Variants in MCCC2 observed in about 807,000 individuals in gnomAD.
The protein encoded by MCCC2 is methylcrotonyl-CoA carboxylase subunit 2, also known as methylcrotonoyl-CoA carboxylase beta chain, mitochondrial.
MCCC2 carries 52 observed loss-of-function variants against 77.2 expected under a neutral mutation model. The ratio of observed to expected loss-of-function variants is 0.67; its 90% CI spans 0.54 to 0.85. The LOEUF (loss-of-function observed/expected upper bound fraction) is 0.85. Among genes scored for constraint, MCCC2 ranks in the 40% least tolerant of loss-of-function variants. The probability of loss-of-function intolerance (pLI) is 0.00; values close to 1 mark genes in which losing one functional copy is unlikely to be tolerated. For synonymous variants in MCCC2, 253 were observed against 248.4 expected (o/e 1.02, Z -0.18); for missense variants, 682 against 703.2 (o/e 0.97, Z 0.34).
chr5:71,657,247 TTTAG>T lies in MCCC2; in HGVS notation c.*388_*391del. 1 of 236,362 alleles carries T rather than the reference TTTAG, an allele frequency of 4.2e-6. No homozygotes were observed. Among genetic ancestry groups the T allele is most frequent in the South Asian group, 5.4e-5 (1 of 18,468 alleles). 14.6% of individuals were successfully genotyped at this position (236,362 alleles called of 1,614,324 possible). A position where few individuals can be genotyped will look rare whatever the true frequency, so the allele number is the denominator to read the frequency against. ...TTTTGCTGGTTATGCTTGGTGATAT[TTTAG>T]CGGGCTTATTTTTGAAAGGCATCTG... On this transcript the variant is annotated 3_prime_UTR_variant, in exon 17 of 17. Transcript: ENST00000340941.
chr5:71,610,913 G>A (rs945939085), intron 6 of MCCC2, among the ~76,000 whole-genome samples: 1 of 152,200 alleles, frequency 6.6e-6, no homozygotes, highest in African/African-American at 2.4e-5. Context: ...TTGAACCTGG[G>A]AGGCAGAGGT....
chr5:71,612,751 T>C (rs1010677576), intron 6 of MCCC2, among the ~76,000 whole-genome samples: 1 of 152,214 alleles, frequency 6.6e-6, no homozygotes, highest in African/African-American at 2.4e-5. Flanking sequence ...AACAGCAATT[T>C]ATGTATTTAT....
At chr5:71,647,480 C>T (rs749673058) in intron 13 of MCCC2, among the ~76,000 whole-genome samples, 1 of 152,110 alleles carries the variant, frequency 6.6e-6, no homozygotes, top group Non-Finnish European at 1.5e-5. Flanking sequence ...ATAATGATTC[C>T]TGGATTGTTA....
chr5:71,590,496 T>C (rs1744930496), intron 1 of MCCC2, among the ~76,000 whole-genome samples: 1 of 152,212 alleles, frequency 6.6e-6, no homozygotes, highest in Admixed American at 6.5e-5. Flanking sequence ...TGCCATTGAT[T>C]TCTAGTTTCA....
chr5:71,610,756 G>A (rs561292597), intron 6 of MCCC2, among the ~76,000 whole-genome samples: 121 of 152,314 alleles, frequency 7.9e-4, no homozygotes, highest in Middle Eastern at 3.4e-3. Context: ...GGAGGCCGAG[G>A]TGGGGGGATC....
At chr5:71,612,712 A>G (rs1409645057) in intron 6 of MCCC2, among the ~76,000 whole-genome samples, 1 of 152,238 alleles carries the variant, frequency 6.6e-6, no homozygotes, top group African/African-American at 2.4e-5. Flanking sequence ...CTGTTGTAAC[A>G]AATTATCACA....
intron 10 of MCCC2, chr5:71,635,543 A>G: frequency 2.4e-6 from 1 of 412,478 alleles, no homozygotes; most frequent in Non-Finnish European, 4.6e-6. Context: ...TGAATGATGT[A>G]AGGCAACTTA....
chr5:71,626,616 G>A, intron 6 of MCCC2, 24 bp from the exon 7 acceptor site: 3 of 1,583,768 alleles, frequency 1.9e-6, no homozygotes, highest in Non-Finnish European at 1.7e-6. Flanking sequence ...CATCTCATGT[G>A]TTTGTCGTGT....
chr5:71,656,198 T>C (rs1469415406), intron 16 of MCCC2, among the ~76,000 whole-genome samples: 1 of 152,162 alleles, frequency 6.6e-6, no homozygotes, highest in African/African-American at 2.4e-5. Context: ...CCAGCCTGGG[T>C]GACAGAGCGA....
intron 4 of MCCC2, among the ~76,000 whole-genome samples, chr5:71,601,741 G>T (rs1218717939): frequency 1.3e-5 from 2 of 152,152 alleles, no homozygotes; most frequent in African/African-American, 4.8e-5. Context: ...ATTGAATTTT[G>T]TAAAGAGCAC....
intron 10 of MCCC2, among the ~76,000 whole-genome samples, chr5:71,637,732 T>C (rs1746978298): frequency 1.3e-5 from 2 of 152,250 alleles, no homozygotes; most frequent in South Asian, 2.1e-4. Flanking sequence ...AACTTTGTTT[T>C]TTTTCAGACT....
chr5:71,629,366 T>A (rs1746637293), intron 7 of MCCC2, among the ~76,000 whole-genome samples: 1 of 152,174 alleles, frequency 6.6e-6, no homozygotes, highest in Non-Finnish European at 1.5e-5. Flanking sequence ...GGATGGGGTT[T>A]CTTCTGGGAG....
chr5:71,612,815 C>T (rs990610658), intron 6 of MCCC2, among the ~76,000 whole-genome samples: 9 of 152,228 alleles, frequency 5.9e-5, no homozygotes, highest in African/African-American at 2.2e-4. Flanking sequence ...CTCCTGGCCT[C>T]AGATCATCCT....
At chr5:71,637,536 G>A (rs1037148970) in intron 10 of MCCC2, among the ~76,000 whole-genome samples, 2 of 152,184 alleles carry the variant, frequency 1.3e-5, no homozygotes, top group Non-Finnish European at 2.9e-5. Context: ...TTTTGCTGGT[G>A]GAGGGTCTTG....
chr5:71,631,633 C>G (rs990744571), intron 7 of MCCC2, among the ~76,000 whole-genome samples: 2 of 151,548 alleles, frequency 1.3e-5, no homozygotes, highest in East Asian at 3.9e-4. Flanking sequence ...CTCCGCTTCC[C>G]GGGTTCACGC....
chr5:71,595,411 A>C (rs937967248), intron 2 of MCCC2, among the ~76,000 whole-genome samples: 6 of 138,222 alleles, frequency 4.3e-5, no homozygotes, highest in African/African-American at 1.6e-4. Flanking sequence ...CCTGGGTGAC[A>C]GAGTAAGATC....
chr5:71,635,359 G>A, intron 10 of MCCC2, 113 bp downstream of exon 10: 1 of 926,482 alleles, frequency 1.1e-6, no homozygotes, highest in Admixed American at 1.9e-5. Context: ...AAATAGATGT[G>A]GATCTCAGTA....
chr5:71,645,606 T>C (rs1451246100), intron 12 of MCCC2, among the ~76,000 whole-genome samples: 1 of 152,210 alleles, frequency 6.6e-6, no homozygotes, highest in African/African-American at 2.4e-5. Flanking sequence ...CCAGGAGGGT[T>C]TATATTCTGG....
intron 13 of MCCC2, among the ~76,000 whole-genome samples, chr5:71,646,956 G>A (rs979218055): frequency 1.3e-5 from 2 of 152,158 alleles, no homozygotes; most frequent in East Asian, 3.8e-4. Context: ...GGGGATTTGA[G>A]TTTTGGCCCC....
Sources: gnomAD v4.1 joint callset for allele counts (sites outside exome capture counted in the v4.1 genomes callset) on GRCh38, gnomAD v4.1.1 for gene constraint, MANE v1.5 for transcripts, NCBI Gene and HGNC (gene_info 2026-07-23, HGNC 2026-07-21) for gene names.